HECTD2: variants seen among roughly 807,000 people sequenced by gnomAD.
HECTD2 encodes HECT domain E3 ubiquitin protein ligase 2, also known as probable E3 ubiquitin-protein ligase HECTD2.
HECTD2 carries 35 observed loss-of-function variants against 103.2 expected under a neutral mutation model. That is an observed-to-expected ratio of 0.34 (90% CI 0.26 to 0.45). The LOEUF (loss-of-function observed/expected upper bound fraction) is 0.45, where lower values mean the gene tolerates loss of function less well. Ranked by LOEUF, HECTD2 falls within the 20% of genes least tolerant of loss-of-function variation. The pLI is 1.00. For missense variants in HECTD2, 596 were observed against 937.4 expected (o/e 0.64, Z 4.76); for synonymous variants, 281 against 329.9 (o/e 0.85, Z 1.61).
intron 20 of HECTD2, among the ~76,000 whole-genome samples, chr10:91,510,965 AC>A (rs1365916682): frequency 1.3e-5 from 2 of 152,190 alleles, no homozygotes; most frequent in Admixed American, 1.3e-4. Context: ...AATGAGAACA[AC>A]CACTTTTAAG....
At chr10:91,450,569 A>G (rs1589495634) in intron 2 of HECTD2, among the ~76,000 whole-genome samples, 1 of 152,312 alleles carries the variant, frequency 6.6e-6, no homozygotes, top group South Asian at 2.1e-4. Context: ...AAAAGAAACT[A>G]TCATCAGAGT....
chr10:91,482,456 G>A (rs1456201389), intron 7 of HECTD2, among the ~76,000 whole-genome samples: 1 of 151,862 alleles, frequency 6.6e-6, no homozygotes, highest in East Asian at 1.9e-4. Flanking sequence ...TGTGATATAT[G>A]AGGCTAACTC....
intron 20 of HECTD2, among the ~76,000 whole-genome samples, chr10:91,510,638 A>G (rs1405093641): frequency 6.6e-6 from 1 of 152,246 alleles, no homozygotes; most frequent in Non-Finnish European, 1.5e-5. Context: ...GAATGGATGC[A>G]TGAAACACTG....
chr10:91,484,094 C>T lies in HECTD2; in HGVS notation c.822-413C>T. On this transcript the variant is annotated intron_variant, in intron 8 of 20. Transcript: ENST00000298068. ...GAGAGAGTATTGAGCTAAAACAAGG[C>T]AGAACATCACTTTGACCTCAGCTGG... 3 of 446,136 alleles carry T rather than the reference C, an allele frequency of 6.7e-6. 1 individual carries two copies. In the South Asian group the frequency reaches 1.0e-4, roughly 15 times the overall value. 27.6% of individuals were successfully genotyped at this position (446,136 alleles called of 1,614,324 possible).
intron 20 of HECTD2, among the ~76,000 whole-genome samples, chr10:91,508,347 G>A (rs1847278757): frequency 6.8e-6 from 1 of 147,598 alleles, no homozygotes; most frequent in Admixed American, 6.7e-5. Flanking sequence ...CCTACAAAAT[G>A]GGAGAAAATT....
intron 5 of HECTD2, among the ~76,000 whole-genome samples, chr10:91,472,155 C>A (rs1022068470): frequency 2.6e-5 from 4 of 152,136 alleles, no homozygotes. Context: ...GAACTGATGA[C>A]ACACACCCAT....
chr10:91,491,293 G>T lies in HECTD2; in HGVS notation c.1285G>T (p.Asp429Tyr). The change falls in exon 12 of 21, where the codon GAT (aspartate) becomes TAT (tyrosine). Residue 429 changes from aspartate to tyrosine, a missense_variant. Physicochemically the swap from Asp to Tyr is radical, Grantham distance 160 (BLOSUM62 -3). Transcript: ENST00000298068. ...AGTAAGACGGACACATCTGGTTAGC[G>T]ATTCACTTGATGAGGTATAATTTAT... The part of the protein sequence containing the change: ...MKVRRTHLVS[D>Y]SLDELTRKRA... 2 of 1,443,562 alleles carry T rather than the reference G, an allele frequency of 1.4e-6. No homozygotes were observed. Among genetic ancestry groups the T allele is most frequent in the South Asian group, 1.2e-5 (1 of 82,914 alleles). The allele number at this position is 1,443,562 out of a possible 1,614,324, so 89.4% of individuals were successfully genotyped here. A position where few individuals can be genotyped will look rare whatever the true frequency, so the allele number is the denominator to read the frequency against.
At chr10:91,423,818 C>T (rs1050261324) in intron 1 of HECTD2, among the ~76,000 whole-genome samples, 1 of 152,038 alleles carries the variant, frequency 6.6e-6, no homozygotes, top group African/African-American at 2.4e-5. Flanking sequence ...GTATGACAAG[C>T]TCTGTGATGA....
intron 20 of HECTD2, among the ~76,000 whole-genome samples, 168 bp from the exon 21 acceptor site, chr10:91,512,096 A>G (rs768514721): frequency 1.1e-4 from 16 of 152,200 alleles, no homozygotes; most frequent in Non-Finnish European, 1.8e-4. Context: ...TGTCTGATAC[A>G]AAGTGAGGTA....
chr10:91,410,435 C>T lies in HECTD2; in HGVS notation c.-4C>T. ...CGCCTGGCGCTCCCGCCGCCCGGCC[C>T]GACATGAGTGAGGCGGTTCGGGTAC... On this transcript the variant is annotated 5_prime_UTR_variant, in exon 1 of 21. Coordinates refer to ENST00000298068, the MANE Select transcript of HECTD2 (RefSeq NM_182765.6). The T allele has an allele frequency of 1.4e-6, 2 of 1,417,084 alleles. No homozygotes were observed. Among genetic ancestry groups the T allele is most frequent in the Non-Finnish European group, 9.2e-7 (1 of 1,087,730 alleles). The allele number at this position is 1,417,084 out of a possible 1,614,324, so 87.8% of individuals were successfully genotyped here.
intron 2 of HECTD2, among the ~76,000 whole-genome samples, chr10:91,450,585 G>A (rs914693067): frequency 6.6e-6 from 1 of 152,030 alleles, no homozygotes; most frequent in Admixed American, 6.6e-5. Flanking sequence ...AGAGTGAAGA[G>A]GCAGCCTACA....
At chr10:91,498,219 T>C in intron 16 of HECTD2, 37 bp downstream of exon 16, 9 of 1,356,340 alleles carry the variant, frequency 6.6e-6, no homozygotes, top group Non-Finnish European at 9.5e-6. Flanking sequence ...GTTAATCATA[T>C]ATTTCATATA....
intron 7 of HECTD2, among the ~76,000 whole-genome samples, chr10:91,482,018 A>G (rs1846105988): frequency 6.6e-6 from 1 of 151,724 alleles, no homozygotes; most frequent in South Asian, 2.1e-4. Context: ...GAAAATAGAG[A>G]AGTAAGAGGA....
At chr10:91,493,531 G>A (rs1459080615) in intron 14 of HECTD2, 23 bp downstream of exon 14, 1 of 1,229,468 alleles carries the variant, frequency 8.1e-7, no homozygotes, top group Non-Finnish European at 1.2e-6. Flanking sequence ...CTTTCCACTA[G>A]GAGGTGCTAA....
At chr10:91,495,539 T>C (rs1391554876) in intron 14 of HECTD2, among the ~76,000 whole-genome samples, 1 of 152,088 alleles carries the variant, frequency 6.6e-6, no homozygotes, top group Non-Finnish European at 1.5e-5. Flanking sequence ...TGAAATACTA[T>C]GAAATTTGAT....
At chr10:91,475,535 T>C (rs1845870552) in intron 5 of HECTD2, among the ~76,000 whole-genome samples, 1 of 149,772 alleles carries the variant, frequency 6.7e-6, no homozygotes, top group Non-Finnish European at 1.5e-5. Flanking sequence ...TTGATGACTT[T>C]AATAAGAGTC....
At chr10:91,415,193 AGTGTGTGTGTGTGT>A (rs397846279) in intron 1 of HECTD2, among the ~76,000 whole-genome samples, 35 of 141,734 alleles carry the variant, frequency 2.5e-4, no homozygotes, top group South Asian at 9.3e-4. Context: ...AATTAGAGAA[AGTGTGTGTGTGTGT>A]GTGTGTGTGT....
intron 1 of HECTD2, among the ~76,000 whole-genome samples, chr10:91,420,139 A>T (rs944229259): frequency 6.6e-6 from 1 of 152,068 alleles, no homozygotes; most frequent in Admixed American, 6.6e-5. Context: ...ATTGACTTTT[A>T]TTATTCTATC....
intron 2 of HECTD2, among the ~76,000 whole-genome samples, chr10:91,426,974 G>A (rs55667468): frequency 0.18 from 25,605 of 142,650 alleles, 5,879 homozygotes; most frequent in African/African-American, 0.56. Flanking sequence ...AGCATTAGGT[G>A]TATCTCCTAA....
Sources: allele counts gnomAD v4.1 joint callset (sites outside exome capture counted in the v4.1 genomes callset), GRCh38; gene constraint gnomAD v4.1.1; transcripts MANE v1.5; gene names NCBI Gene and HGNC (gene_info 2026-07-23, HGNC 2026-07-21).